Variants in ANO3 observed in about 807,000 individuals in gnomAD.
ANO3 encodes the protein anoctamin 3, also known as anoctamin-3.
ANO3 carries 99 observed loss-of-function variants against 144.8 expected under a neutral mutation model. That is an observed-to-expected ratio of 0.68 (90% CI 0.58 to 0.81). ANO3 has a LOEUF of 0.81. Among genes scored for constraint, ANO3 ranks in the 30% least tolerant of loss-of-function variants. The pLI, the probability that ANO3 is intolerant of heterozygous loss-of-function variation, is 0.00. For missense variants in ANO3, 905 were observed against 1,202.2 expected (o/e 0.75, Z 3.66); for synonymous variants, 414 against 392.6 (o/e 1.05, Z -0.64).
At chr11:26,501,113 A>G (rs963448999) in intron 4 of ANO3, among the ~76,000 whole-genome samples, 3 of 152,238 alleles carry the variant, frequency 2.0e-5, no homozygotes, top group African/African-American at 2.4e-5. Flanking sequence ...GATAGGATTA[A>G]GAAAAACAAA....
intron 1 of ANO3, among the ~76,000 whole-genome samples, chr11:26,298,175 A>G (rs1211134075): frequency 6.6e-6 from 1 of 152,172 alleles, no homozygotes. Context: ...TAGGACTTAG[A>G]TATGTAGCCA....
chr11:26,287,861 G>A (rs1853844859), intron 1 of ANO3: 3 of 152,200 alleles, frequency 2.0e-5, no homozygotes, highest in African/African-American at 7.2e-5. Context: ...GGCAGAGGAT[G>A]AGTTGAAACT....
chr11:26,294,641 C>G (rs146482622), intron 1 of ANO3, among the ~76,000 whole-genome samples: 1,925 of 152,240 alleles, frequency 0.013, 101 homozygotes, highest in Admixed American at 0.099. Flanking sequence ...AGATTCAGAT[C>G]GTGTTCTCTG....
In ANO3 at chr11:26,400,726, A is replaced by G. The variant is rs566326374; in HGVS notation, c.47-41192A>G. Among the ~76,000 whole-genome samples the G allele has an allele frequency of 6.9e-4, 105 of 151,764 alleles. 1 individual carries two copies. In the South Asian group the frequency reaches 0.011, roughly 15 times the overall value. Reference sequence around the variant, plus strand: ...CATATGCATACATATACATATATATATGTATATATTAAACAATTAAAGAAA... The same window carrying G: ...CATATGCATACATATACATATATATGTGTATATATTAAACAATTAAAGAAA... On this transcript the variant is annotated intron_variant, in intron 1 of 26. Transcript: ENST00000256737.
At chr11:26,314,117 A>G (rs1475827056) in intron 1 of ANO3, among the ~76,000 whole-genome samples, 1 of 152,122 alleles carries the variant, frequency 6.6e-6, no homozygotes, top group Non-Finnish European at 1.5e-5. Context: ...TTATCAAGAG[A>G]GTAGCCTTTA....
At position 26,262,739 on chromosome 11, in the gene ANO3, C is replaced by CACACACACACACACACACACAG. The variant is rs1177111571; in HGVS notation, c.155-46905_155-46904insCACACACACACACACACACAGA. Among the ~76,000 whole-genome samples, 4 of 148,696 alleles carry CACACACACACACACACACACAG rather than the reference C, an allele frequency of 2.7e-5. No individual in the cohort carries two copies. In the East Asian group the frequency reaches 7.9e-4, roughly 29 times the overall value. On this transcript the variant is annotated intron_variant, in intron 1 of 27. Coordinates refer to the ANO3 transcript ENST00000672621. ...TAGTAAACACACACACACACACACA[C>CACACACACACACACACACACAG]AGAGAGAGAGAGAGAGAGAGATTCT...
intron 4 of ANO3, among the ~76,000 whole-genome samples, chr11:26,490,838 G>C (rs1396100082): frequency 6.6e-6 from 1 of 152,208 alleles, no homozygotes; most frequent in Non-Finnish European, 1.5e-5. Context: ...AAGGAACTCA[G>C]TATTGCCACA....
intron 18 of ANO3, among the ~76,000 whole-genome samples, chr11:26,628,272 A>G (rs1482336599): frequency 6.6e-6 from 1 of 152,224 alleles, no homozygotes; most frequent in African/African-American, 2.4e-5. Flanking sequence ...AAACTACCTT[A>G]CAGTGTTAAA....
chr11:26,408,964 G>A (rs1409618236), intron 1 of ANO3, among the ~76,000 whole-genome samples: 1 of 151,542 alleles, frequency 6.6e-6, no homozygotes, highest in Admixed American at 6.6e-5. Context: ...ATCACACTCC[G>A]GGGACTGTTG....
At chr11:26,658,655 C>T (rs1352353740) in intron 26 of ANO3, among the ~76,000 whole-genome samples, 1 of 152,122 alleles carries the variant, frequency 6.6e-6, no homozygotes, top group Non-Finnish European at 1.5e-5. Flanking sequence ...GGACTTGAAG[C>T]ATATCCCTAC....
At chr11:26,560,815 C>G in intron 14 of ANO3, 1 of 343,488 alleles carries the variant, frequency 2.9e-6, no homozygotes. Context: ...ATATTTTCTA[C>G]TAAGAAAATA....
chr11:26,363,303 T>C (rs1489404293), intron 1 of ANO3, among the ~76,000 whole-genome samples: 1 of 152,206 alleles, frequency 6.6e-6, no homozygotes, highest in South Asian at 2.1e-4. Context: ...GTCAGGGTTC[T>C]GGTTAGAGAT....
intron 1 of ANO3, among the ~76,000 whole-genome samples, chr11:26,316,572 G>A (rs1220220111): frequency 1.3e-5 from 2 of 152,164 alleles, no homozygotes; most frequent in Non-Finnish European, 2.9e-5. Flanking sequence ...ATAGAAGCAG[G>A]AAGTGAAACT....
At chr11:26,558,454 TG>T (rs1850154959) in intron 13 of ANO3, among the ~76,000 whole-genome samples, 1 of 152,168 alleles carries the variant, frequency 6.6e-6, no homozygotes, top group Non-Finnish European at 1.5e-5. Flanking sequence ...GACTCCCTGC[TG>T]GGTATAATTT....
chr11:26,541,294 C>T (rs1157055315), intron 10 of ANO3, among the ~76,000 whole-genome samples: 2 of 151,562 alleles, frequency 1.3e-5, no homozygotes, highest in African/African-American at 2.4e-5. Flanking sequence ...GGGGCCAGTT[C>T]GCGGGTGGGG....
intron 1 of ANO3, among the ~76,000 whole-genome samples, chr11:26,243,731 C>T (rs149426135): frequency 2.1e-4 from 32 of 152,268 alleles, no homozygotes; most frequent in Non-Finnish European, 3.2e-4. Context: ...TGCTTTGATT[C>T]TGTCTGCTTC....
At chr11:26,636,645 T>G (rs1040965598) in intron 20 of ANO3, among the ~76,000 whole-genome samples, 2 of 152,236 alleles carry the variant, frequency 1.3e-5, no homozygotes, top group African/African-American at 4.8e-5. Context: ...ACATAAACAC[T>G]GATGAAGTTA....
intron 1 of ANO3, among the ~76,000 whole-genome samples, chr11:26,405,679 A>G (rs1226135776): frequency 3.3e-5 from 5 of 151,978 alleles, no homozygotes. Flanking sequence ...TGCAACTTTG[A>G]GAAAATAATT....
chr11:26,509,481 T>G (rs149174684), intron 5 of ANO3, among the ~76,000 whole-genome samples: 3,357 of 151,916 alleles, frequency 0.022, 64 homozygotes, highest in Non-Finnish European at 0.035. Context: ...CCCACCTAAG[T>G]TTTGTATTTT....
Sources: gnomAD v4.1 joint callset for allele counts (sites outside exome capture counted in the v4.1 genomes callset) on GRCh38, gnomAD v4.1.1 for gene constraint, MANE v1.5 for transcripts, NCBI Gene and HGNC (gene_info 2026-07-23, HGNC 2026-07-21) for gene names.